Variants in NDE1 observed in about 807,000 individuals in gnomAD.
The protein encoded by NDE1 is nudE neurodevelopment protein 1, also known as nuclear distribution protein nudE homolog 1.
A neutral mutation model predicts 43.4 loss-of-function variants in NDE1; 28 were observed. That is an observed-to-expected ratio of 0.65 (90% confidence interval 0.48 to 0.89). The LOEUF (loss-of-function observed/expected upper bound fraction) is 0.89, where lower values mean the gene tolerates loss of function less well. Among genes scored for constraint, NDE1 ranks in the 40% least tolerant of loss-of-function variants. NDE1 has a pLI of 0.00. For synonymous variants in NDE1, 184 were observed against 172.0 expected, an observed-to-expected ratio of 1.07 and a Z score of -0.55; for missense variants, 441 against 434.1, an observed-to-expected ratio of 1.02 and a Z score of -0.14.
chr16:15,699,503 A>G (rs999684907), intron 8 of NDE1: 1 of 1,133,866 alleles, frequency 8.8e-7, no homozygotes, highest in Non-Finnish European at 1.1e-6. Context: ...AATAGGTAAG[A>G]GATGGATTTT....
chr16:15,720,527 T>A (rs927780866), intron 8 of NDE1, among the ~76,000 whole-genome samples: 2 of 150,968 alleles, frequency 1.3e-5, no homozygotes, highest in African/African-American at 4.9e-5. Context: ...GGAGAATGGA[T>A]CACTTGAGGC....
At chr16:15,706,049 A>G (rs1257156479) in intron 8 of NDE1, among the ~76,000 whole-genome samples, 3 of 151,392 alleles carry the variant, frequency 2.0e-5, no homozygotes, top group East Asian at 1.9e-4. Context: ...GGAATTCGCA[A>G]ATGACCCTTT....
chr16:15,677,870 A>T lies in NDE1; in HGVS notation c.307A>T (p.Thr103Ser), dbSNP rs1254011115. 1.2e-6 allele frequency: 2 copies of T among 1,614,134 alleles called. No homozygotes were observed. Among genetic ancestry groups the T allele is most frequent in the Non-Finnish European group, 1.7e-6 (2 of 1,180,028 alleles). ...AGCCTTGGAGGATGACCTCGCGCAG[A>T]CCAAAGCCATTAAAGACCAATTGCA... ...ISALEDDLAQ[T>S]KAIKDQLQKY... The change falls in exon 4 of 9, where the codon ACC (threonine) becomes TCC (serine). Residue 103 changes from threonine (T) to serine (S), a missense_variant. By Grantham distance (58) the Thr-to-Ser change is moderately conservative (BLOSUM62 1). Transcript: ENST00000396354.
chr16:15,700,226 AGCTGGG>A, intron 8 of NDE1: 2 of 530,720 alleles, frequency 3.8e-6, no homozygotes, highest in Non-Finnish European at 4.9e-6. Context: ...TCTTCCAGGT[AGCTGGG>A]ATTACAGGCA....
chr16:15,697,832 C>T (rs1478203097), intron 8 of NDE1, among the ~76,000 whole-genome samples: 1 of 146,860 alleles, frequency 6.8e-6, no homozygotes, highest in Non-Finnish European at 1.5e-5. Flanking sequence ...TTTTTTGAGA[C>T]GTCTTGCTCT....
At chr16:15,716,243 G>A (rs1281601096) in intron 8 of NDE1, among the ~76,000 whole-genome samples, 2 of 152,082 alleles carry the variant, frequency 1.3e-5, no homozygotes, top group Middle Eastern at 3.2e-3. Flanking sequence ...TGGGGTTTCT[G>A]TTTGAGCCGA....
intron 5 of NDE1, among the ~76,000 whole-genome samples, chr16:15,688,311 G>C (rs2151105133): frequency 6.6e-6 from 1 of 152,002 alleles, no homozygotes; most frequent in South Asian, 2.1e-4. Flanking sequence ...TTTTCAGTTG[G>C]CACTTCCAGA....
upstream of NDE1, among the ~76,000 whole-genome samples, chr16:15,647,167 A>G (rs2036347864): frequency 6.6e-6 from 1 of 152,238 alleles, no homozygotes; most frequent in African/African-American, 2.4e-5. Flanking sequence ...CTTTCCTTAA[A>G]CCTGTTGATA....
chr16:15,716,529 T>A (rs1401703092), intron 8 of NDE1, among the ~76,000 whole-genome samples: 1 of 148,930 alleles, frequency 6.7e-6, no homozygotes, highest in Non-Finnish European at 1.5e-5. Context: ...TTTTTGTGTG[T>A]GTGTATGTGT....
At chr16:15,688,401 G>A (rs1306170959) in intron 5 of NDE1, among the ~76,000 whole-genome samples, 1 of 151,850 alleles carries the variant, frequency 6.6e-6, no homozygotes, top group African/African-American at 2.4e-5. Flanking sequence ...TTGGGAGGCT[G>A]AGGCAGGTGG....
At chr16:15,673,036 G>T (rs1194309481) in intron 3 of NDE1, among the ~76,000 whole-genome samples, 2 of 152,138 alleles carry the variant, frequency 1.3e-5, no homozygotes, top group East Asian at 1.9e-4. Flanking sequence ...ACGCCTCTCT[G>T]GCCTAGGCAC....
Position 15,691,228 on chromosome 16 carries a change from A to AT in NDE1, c.608_609insT (p.Thr204HisfsTer111), listed in dbSNP as rs1484278690. The AT allele has an allele frequency of 6.2e-7, 1 of 1,614,124 alleles. No individual in the cohort carries two copies. Among genetic ancestry groups the AT allele is most frequent in the Admixed American group, 1.7e-5 (1 of 59,996 alleles). On this transcript the variant is annotated frameshift_variant, in exon 6 of 9. Coordinates refer to ENST00000396354, the MANE Select transcript of NDE1 (RefSeq NM_017668.3). LOFTEE classifies it high-confidence loss of function. ...AGCTCAGTGGAAGCTGAGAGGACAG[A>AT]CACAGCTGTGCAGGCCACGGGCTCC...
intron 8 of NDE1, chr16:15,718,002 G>A (rs1192819355): frequency 6.5e-6 from 3 of 460,980 alleles, no homozygotes; most frequent in Non-Finnish European, 1.2e-5. Context: ...TAAGGTCAGA[G>A]CTTCAGCTAG....
intron 1 of NDE1, among the ~76,000 whole-genome samples, chr16:15,652,582 A>C (rs942790250): frequency 6.6e-6 from 1 of 152,234 alleles, no homozygotes; most frequent in Non-Finnish European, 1.5e-5. Context: ...AAACCACAGT[A>C]GGAAAAATTC....
chr16:15,709,615 C>T (rs891571418), intron 8 of NDE1, among the ~76,000 whole-genome samples: 1 of 152,134 alleles, frequency 6.6e-6, no homozygotes, highest in African/African-American at 2.4e-5. Context: ...GCACCCGGCT[C>T]AGTTTTTTAA....
chr16:15,676,018 A>T (rs1000272976), intron 3 of NDE1, among the ~76,000 whole-genome samples: 1 of 151,972 alleles, frequency 6.6e-6, no homozygotes, highest in African/African-American at 2.4e-5. Context: ...TATGTAATGG[A>T]TGTTATTGCT....
At position 15,719,947 on chromosome 16, in the gene NDE1, C is replaced by T. The variant is rs144592555; in HGVS notation, c.948-4244C>T. Among the ~76,000 whole-genome samples, 633 of 152,280 alleles carry T rather than the reference C, an allele frequency of 4.2e-3. 4 individuals carry two copies. Among genetic ancestry groups the T allele is most frequent in the African/African-American group, 0.014 (602 of 41,548 alleles). On this transcript the variant is annotated intron_variant, in intron 8 of 8. Transcript: ENST00000396354. The stretch of plus-strand genomic sequence containing the variant: ...CTGAGCCCCTGATGTGATCTGAGGG[C>T]AGTGGCCAAATACCTAATAATGCTG...
intron 6 of NDE1, 41 bp from the exon 7 acceptor site, chr16:15,694,124 A>G (rs1230342720): frequency 3.7e-6 from 6 of 1,608,320 alleles, no homozygotes; most frequent in African/African-American, 1.3e-5. Flanking sequence ...AGACATGACT[A>G]TAGGTTGGTG....
intron 1 of NDE1, among the ~76,000 whole-genome samples, chr16:15,662,945 C>T (rs932173875): frequency 1.3e-5 from 2 of 152,180 alleles, no homozygotes; most frequent in African/African-American, 4.8e-5. Flanking sequence ...CTTCCTCTGC[C>T]TGTCCATGGC....
Sources: allele counts gnomAD v4.1 joint callset (sites outside exome capture counted in the v4.1 genomes callset), GRCh38; gene constraint gnomAD v4.1.1; transcripts MANE v1.5; gene names NCBI Gene and HGNC (gene_info 2026-07-23, HGNC 2026-07-21).